Variants in EYS observed in about 807,000 individuals in gnomAD.
EYS encodes the protein EGF-like photoreceptor maintenance factor.
EYS carries 250 observed loss-of-function variants against 282.1 expected under a neutral mutation model. The observed-to-expected ratio is 0.89, with a 90% CI of 0.80 to 0.98. EYS has a LOEUF of 0.98. Among genes scored for constraint, EYS ranks in the 50% least tolerant of loss-of-function variants. The pLI is 0.00. For missense variants in EYS, 4,016 were observed against 3,709.0 expected (o/e 1.08, Z -2.15); for synonymous variants, 1,355 against 1,282.9 (o/e 1.06, Z -1.20).
rs1456193641 is a variant in EYS at position 65,353,552 on chromosome 6, A to G, written c.1365T>C (p.His455=). The change falls in exon 9 of 43, where the codon CAT becomes CAC. Residue 455 remains histidine, a synonymous_variant. Transcript: ENST00000503581. The stretch of plus-strand genomic sequence containing the variant: ...TGACTCCACAGTAGCAGAGGTGTTG[A>G]TGAATTAGGTAAACATTCTTCAAAA... ...CWFLKNVYLI[H]QHLCYCGVTF... is the part of the protein sequence containing the mutation. 1.2e-6 allele frequency: 2 copies of G among 1,613,140 alleles called. No homozygotes were observed. Among genetic ancestry groups the G allele is most frequent in the Non-Finnish European group, 1.7e-6 (2 of 1,179,466 alleles).
At chr6:64,090,565 C>T (rs1772321574) in intron 31 of EYS, among the ~76,000 whole-genome samples, 1 of 151,978 alleles carries the variant, frequency 6.6e-6, no homozygotes, top group Non-Finnish European at 1.5e-5. Flanking sequence ...GCTGTGAGTT[C>T]CTTAAATGCA....
rs946807849 is a variant in EYS, at chr6:64,548,594, C to T, written c.5644+41629G>A. On this transcript the variant is annotated intron_variant, in intron 26 of 42. Transcript: ENST00000503581. The stretch of plus-strand genomic sequence containing the variant: ...ATCACAAGGACAAAAAACCAAACAC[C>T]GCATGTTCTCACTCATAGGTGGGAA... Among the ~76,000 whole-genome samples, 31 of 151,940 alleles carry T rather than the reference C, an allele frequency of 2.0e-4. 1 individual carries two copies. Among genetic ancestry groups the T allele is most frequent in the Admixed American group, 4.6e-4 (7 of 15,242 alleles).
intron 36 of EYS, among the ~76,000 whole-genome samples, chr6:63,852,013 C>T (rs528909760): frequency 7.4e-4 from 113 of 151,716 alleles, no homozygotes; most frequent in African/African-American, 2.6e-3. Context: ...AAAAATTAGC[C>T]AGGCGTAGTG....
intron 8 of EYS, among the ~76,000 whole-genome samples, chr6:65,364,121 T>C (rs1764819088): frequency 1.3e-5 from 2 of 151,290 alleles, no homozygotes; most frequent in African/African-American, 4.8e-5. Flanking sequence ...TAAATATCCC[T>C]TATATGTAAA....
intron 33 of EYS, among the ~76,000 whole-genome samples, chr6:64,041,991 A>G (rs1770412508): frequency 6.6e-6 from 1 of 152,144 alleles, no homozygotes; most frequent in South Asian, 2.1e-4. Flanking sequence ...CCCTCTTCAT[A>G]GTTCTTTTTT....
At chr6:65,653,377 G>C (rs1312552835) in intron 1 of EYS, among the ~76,000 whole-genome samples, 1 of 151,882 alleles carries the variant, frequency 6.6e-6, no homozygotes, top group African/African-American at 2.4e-5. Flanking sequence ...TGAATCTAGA[G>C]ATATAAAGTA....
chr6:64,885,224 T>C (rs772728172), intron 19 of EYS, among the ~76,000 whole-genome samples: 42 of 151,668 alleles, frequency 2.8e-4, no homozygotes, highest in Non-Finnish European at 4.1e-4. Context: ...TGTACCAATA[T>C]GCAAACATAT....
At chr6:65,626,594 C>G (rs1390580335) in intron 2 of EYS, among the ~76,000 whole-genome samples, 1 of 152,044 alleles carries the variant, frequency 6.6e-6, no homozygotes, top group African/African-American at 2.4e-5. Context: ...AATTAAAGCT[C>G]CTCTGATCAT....
chr6:65,520,697 A>G (rs977704615), intron 2 of EYS, among the ~76,000 whole-genome samples: 1 of 151,962 alleles, frequency 6.6e-6, no homozygotes, highest in African/African-American at 2.4e-5. Flanking sequence ...TATCAGGAAT[A>G]GACTAGAATA....
chr6:64,160,696 G>A (rs1775077482), intron 31 of EYS, among the ~76,000 whole-genome samples: 1 of 152,126 alleles, frequency 6.6e-6, no homozygotes, highest in South Asian at 2.1e-4. Flanking sequence ...TTTTGGCCAT[G>A]GGACGTTGAA....
intron 6 of EYS, 64 bp from the exon 7 acceptor site, chr6:65,402,669 T>G: frequency 9.1e-7 from 1 of 1,102,362 alleles, no homozygotes; most frequent in Non-Finnish European, 1.4e-6. Flanking sequence ...AATGAATGGG[T>G]TCTTACCTGG....
At chr6:64,319,938 T>A (rs1770144403) in intron 29 of EYS, among the ~76,000 whole-genome samples, 1 of 152,004 alleles carries the variant, frequency 6.6e-6, no homozygotes, top group Non-Finnish European at 1.5e-5. Flanking sequence ...TGGTATCATT[T>A]TCCTGACACC....
chr6:65,649,334 T>C (rs1251568602), intron 1 of EYS, among the ~76,000 whole-genome samples: 1 of 152,020 alleles, frequency 6.6e-6, no homozygotes, highest in African/African-American at 2.4e-5. Context: ...ATAATGTGTA[T>C]AGCATAGGTT....
chr6:65,342,879 A>G (rs1770250420), intron 10 of EYS, among the ~76,000 whole-genome samples: 1 of 151,052 alleles, frequency 6.6e-6, no homozygotes, highest in African/African-American at 2.4e-5. Context: ...TAAACAAAAC[A>G]ACAAATATGA....
chr6:64,209,277 A>G (rs1403504375), intron 31 of EYS, among the ~76,000 whole-genome samples: 1 of 152,154 alleles, frequency 6.6e-6, no homozygotes. Context: ...ATTATGCTAT[A>G]TGAATAGCAC....
chr6:65,226,733 A>G (rs1021196372), intron 12 of EYS, among the ~76,000 whole-genome samples: 1 of 152,202 alleles, frequency 6.6e-6, no homozygotes. Flanking sequence ...TAAGTTAAAA[A>G]TAGAATTACT....
chr6:64,784,454 TG>T (rs1214523345), intron 22 of EYS, among the ~76,000 whole-genome samples: 1 of 152,174 alleles, frequency 6.6e-6, no homozygotes, highest in Non-Finnish European at 1.5e-5. Context: ...ATAGGTAATA[TG>T]GTTTGCTAGC....
intron 15 of EYS, among the ~76,000 whole-genome samples, chr6:64,941,244 G>A (rs995830590): frequency 6.6e-6 from 1 of 152,010 alleles, no homozygotes; most frequent in South Asian, 2.1e-4. Flanking sequence ...ATCCAGGCAT[G>A]GTGTCAGGCA....
intron 10 of EYS, among the ~76,000 whole-genome samples, chr6:65,337,249 T>A (rs1770022421): frequency 6.6e-6 from 1 of 151,460 alleles, no homozygotes; most frequent in Non-Finnish European, 1.5e-5. Context: ...GAACAGATAA[T>A]AAAGTGTTAT....
Sources: allele counts gnomAD v4.1 joint callset (sites outside exome capture counted in the v4.1 genomes callset), GRCh38; gene constraint gnomAD v4.1.1; transcripts MANE v1.5; gene names NCBI Gene and HGNC (gene_info 2026-07-23, HGNC 2026-07-21).